The following SNW1 variants were observed in gnomAD, a reference collection of about 807,000 sequenced individuals.
SNW1 encodes SNW domain-containing protein 1.
A neutral mutation model predicts 75.6 loss-of-function variants in SNW1; 9 were observed. That is an observed-to-expected ratio of 0.12 (90% CI 0.07 to 0.21). The LOEUF (loss-of-function observed/expected upper bound fraction) is 0.21. SNW1 is among the 10% of genes least tolerant of loss of function. The pLI, the probability that SNW1 is intolerant of heterozygous loss-of-function variation, is 1.00. For missense variants in SNW1, 409 were observed against 670.9 expected (o/e 0.61, Z 4.31); for synonymous variants, 200 against 219.1 (o/e 0.91, Z 0.77).
chr14:77,743,142 T>C (rs540612166), intron 3 of SNW1, among the ~76,000 whole-genome samples: 41 of 151,988 alleles, frequency 2.7e-4, no homozygotes, highest in African/African-American at 6.0e-4. Context: ...GGAGAATCAC[T>C]TGAACCCGGG....
rs2080678345 is a variant in SNW1 at position 77,737,024 on chromosome 14, C to T, written c.585G>A (p.Arg195=). Residue 195 remains arginine (R), a synonymous_variant, in exon 6 of 14, where the codon AGG becomes AGA. Coordinates refer to ENST00000261531, the MANE Select transcript of SNW1 (RefSeq NM_012245.3). ...TCTGCATTTCTACCATCCGAATAAC[C>T]CTCTGTTTAGCTCCAGAGTTGAATG... ...GVAFNSGAKQ[R]VIRMVEMQKD... is the part of the protein sequence containing the mutation. 6.2e-7 allele frequency: 1 copy of T among 1,613,878 alleles called. No homozygotes were observed. Among genetic ancestry groups the T allele is most frequent in the East Asian group, 2.2e-5 (1 of 44,866 alleles).
chr14:77,744,446 C>CAAAAAAAAAAAAAA (rs11335115), intron 3 of SNW1, among the ~76,000 whole-genome samples: 16 of 82,920 alleles, frequency 1.9e-4, no homozygotes, highest in South Asian at 4.4e-4. Context: ...GTCTCCATCT[C>CAAAAAAAAAAAAAA]AAAAAAAAAA....
In SNW1 at chr14:77,753,204, T is replaced by C. The variant is rs1015401558; in HGVS notation, c.169-1724A>G. Reference sequence around the variant, plus strand: ...AATAAGTTGTTCTGTTTCACCAGGATATATGAAACCACTGATAGCCAAGTA... The same window carrying C: ...AATAAGTTGTTCTGTTTCACCAGGACATATGAAACCACTGATAGCCAAGTA... On this transcript the variant is annotated intron_variant, in intron 2 of 13. Coordinates refer to ENST00000261531, the MANE Select transcript of SNW1 (RefSeq NM_012245.3). 2.6e-5 allele frequency among the ~76,000 whole-genome samples: 4 copies of C among 152,214 alleles called. No homozygotes were observed. The East Asian group carries it at 7.7e-4, about 29-fold the overall frequency.
At chr14:77,720,938 C>G in intron 11 of SNW1, 110 bp from the exon 12 acceptor site, 2 of 733,904 alleles carry the variant, frequency 2.7e-6, no homozygotes, top group Admixed American at 4.2e-5. Context: ...ATGTCACATT[C>G]ACATCTTGTG....
intron 10 of SNW1, among the ~76,000 whole-genome samples, chr14:77,730,025 G>C (rs114861302): frequency 1.3e-5 from 2 of 152,020 alleles, no homozygotes; most frequent in Non-Finnish European, 2.9e-5. Context: ...ATATTGGCCT[G>C]TCTGCTCTTC....
intron 3 of SNW1, among the ~76,000 whole-genome samples, chr14:77,740,473 T>C (rs1315862031): frequency 6.6e-6 from 1 of 152,216 alleles, no homozygotes; most frequent in African/African-American, 2.4e-5. Flanking sequence ...TTGACCTGAC[T>C]TTGCCTATGC....
At chr14:77,741,998 C>T (rs2080722808) in intron 3 of SNW1, among the ~76,000 whole-genome samples, 1 of 151,854 alleles carries the variant, frequency 6.6e-6, no homozygotes, top group Non-Finnish European at 1.5e-5. Flanking sequence ...ATCTGAAGAG[C>T]AAGATTCCTC....
At chr14:77,720,550 A>G (rs771825203) in intron 12 of SNW1, 161 bp downstream of exon 12, 1 of 766,090 alleles carries the variant, frequency 1.3e-6, no homozygotes, top group South Asian at 1.4e-5. Flanking sequence ...AGAAGTTAAA[A>G]TCAGAACTGT....
intron 2 of SNW1, 70 bp from the exon 3 acceptor site, chr14:77,751,550 A>G: frequency 7.8e-7 from 1 of 1,289,902 alleles, no homozygotes; most frequent in South Asian, 1.5e-5. Flanking sequence ...TCATTCATTC[A>G]ACAAGTAATT....
chr14:77,738,801 T>C lies in SNW1; in HGVS notation c.510A>G (p.Lys170=). 6.2e-7 allele frequency: 1 copy of C among 1,614,022 alleles called. No individual in the cohort carries two copies. Among genetic ancestry groups the C allele is most frequent in the Non-Finnish European group, 8.5e-7 (1 of 1,179,872 alleles). The part of the protein sequence containing the change: ...AAAMPVRAAD[K]LAPAQYIRYT... Reference sequence around the variant, plus strand: ...ACCGGATATACTGAGCAGGAGCCAATTTGTCAGCTGCTCGAACTGGCATGG... The same window carrying C: ...ACCGGATATACTGAGCAGGAGCCAACTTGTCAGCTGCTCGAACTGGCATGG... Residue 170 remains lysine, a synonymous_variant, in exon 5 of 14, where the codon AAA becomes AAG. Transcript: ENST00000261531.
intron 2 of SNW1, among the ~76,000 whole-genome samples, chr14:77,751,805 GAC>G (rs61135876): frequency 0.083 from 11,505 of 139,384 alleles, 536 homozygotes; most frequent in East Asian, 0.16. Flanking sequence ...GTCATGGGAA[GAC>G]ACACACACAC....
intron 10 of SNW1, among the ~76,000 whole-genome samples, chr14:77,725,661 C>T (rs2080579164): frequency 6.6e-6 from 1 of 152,132 alleles, no homozygotes; most frequent in Non-Finnish European, 1.5e-5. Flanking sequence ...GTGGTTCATG[C>T]CTGTAACGCA....
intron 1 of SNW1, among the ~76,000 whole-genome samples, chr14:77,759,527 T>A (rs2080869093): frequency 6.6e-6 from 1 of 151,842 alleles, no homozygotes; most frequent in African/African-American, 2.4e-5. Context: ...ATAAAATAAA[T>A]AAAAAATACC....
At chr14:77,723,739 C>A (rs1314097120) in intron 10 of SNW1, among the ~76,000 whole-genome samples, 5 of 152,178 alleles carry the variant, frequency 3.3e-5, no homozygotes, top group Admixed American at 1.3e-4. Context: ...ACCGCAACCT[C>A]TGCCTCCCGG....
intron 6 of SNW1, 23 bp downstream of exon 6, chr14:77,736,945 TTAG>T (rs750085444): frequency 1.1e-5 from 16 of 1,474,192 alleles, no homozygotes; most frequent in Non-Finnish European, 1.4e-5. Flanking sequence ...ATTGTGTGTA[TTAG>T]TAGCCTATTC....
intron 3 of SNW1, among the ~76,000 whole-genome samples, chr14:77,750,366 C>T (rs1307413882): frequency 6.6e-6 from 1 of 152,074 alleles, no homozygotes; most frequent in African/African-American, 2.4e-5. Flanking sequence ...GGGGGAGTCA[C>T]CTGCTAAGGA....
At chr14:77,734,611 G>A (rs1046329587) in intron 8 of SNW1, among the ~76,000 whole-genome samples, 12 of 152,194 alleles carry the variant, frequency 7.9e-5, no homozygotes, top group Admixed American at 7.9e-4. Context: ...GGTGGCATGC[G>A]CCTGTAGTCC....
At chr14:77,744,565 T>G (rs765558596) in intron 3 of SNW1, among the ~76,000 whole-genome samples, 3 of 152,044 alleles carry the variant, frequency 2.0e-5, no homozygotes, top group Non-Finnish European at 4.4e-5. Flanking sequence ...AAATAGATAG[T>G]TCAGTCTGAA....
chr14:77,719,754 GATA>G (rs1566825036), intron 12 of SNW1, among the ~76,000 whole-genome samples: 3 of 152,152 alleles, frequency 2.0e-5, no homozygotes, highest in Non-Finnish European at 4.4e-5. Flanking sequence ...TAACATAAGA[GATA>G]ATAGTATTAT....
Sources: allele counts gnomAD v4.1 joint callset (sites outside exome capture counted in the v4.1 genomes callset), GRCh38; gene constraint gnomAD v4.1.1; transcripts MANE v1.5; gene names NCBI Gene and HGNC (gene_info 2026-07-23, HGNC 2026-07-21).